Variants in TMC2 observed in about 807,000 individuals in gnomAD.
TMC2 encodes the protein transmembrane channel like 2, also known as transmembrane channel-like protein 2.
In TMC2, 102 loss-of-function variants were observed where a neutral mutation model predicts 105.9. That is an observed-to-expected ratio of 0.96 (90% CI 0.82 to 1.14). The LOEUF is 1.14. Ranked by LOEUF, TMC2 falls within the 50% of genes most tolerant of loss-of-function variation. The pLI, the probability that TMC2 is intolerant of heterozygous loss-of-function variation, is 0.00. For synonymous variants in TMC2, 402 were observed against 422.8 expected, an observed-to-expected ratio of 0.95 and a Z score of 0.60; for missense variants, 1,093 against 1,134.3, an observed-to-expected ratio of 0.96 and a Z score of 0.52.
intron 16 of TMC2, among the ~76,000 whole-genome samples, chr20:2,619,120 T>A (rs777774214): frequency 6.6e-6 from 1 of 152,106 alleles, no homozygotes; most frequent in Non-Finnish European, 1.5e-5. Context: ...AGCCCCTAAA[T>A]GCCCAAAGAG....
chr20:2,607,304 C>T (rs2086401188), intron 11 of TMC2, among the ~76,000 whole-genome samples: 1 of 152,124 alleles, frequency 6.6e-6, no homozygotes. Context: ...TGCCTCTCAT[C>T]CCTTTTCTAC....
At chr20:2,630,100 A>C (rs1330083959) in intron 17 of TMC2, among the ~76,000 whole-genome samples, 1 of 152,232 alleles carries the variant, frequency 6.6e-6, no homozygotes. Context: ...AATGACAAAT[A>C]ATAAGTCCAA....
chr20:2,561,940 G>A lies in TMC2; in HGVS notation c.484G>A (p.Glu162Lys). The A allele has an allele frequency of 1.9e-6, 3 of 1,614,182 alleles. No homozygotes were observed. Among genetic ancestry groups the A allele is most frequent in the Non-Finnish European group, 2.5e-6 (3 of 1,180,010 alleles). The change falls in exon 4 of 20, where the codon GAA becomes AAA. Residue 162 changes from glutamate to lysine, a missense_variant. Coordinates refer to ENST00000358864, the MANE Select transcript of TMC2 (RefSeq NM_080751.3). Reference sequence around the variant, plus strand: ...GGCCCAGATCCTGGAGCAGGTGGAAGAAAAAAAGAAGCTCATTGCCACCAT... The same window carrying A: ...GGCCCAGATCCTGGAGCAGGTGGAAAAAAAAAAGAAGCTCATTGCCACCAT... ...ELAQILEQVE[E>K]KKKLIATMRS...
intron 2 of TMC2, among the ~76,000 whole-genome samples, chr20:2,539,293 T>C (rs1025539670): frequency 1.3e-5 from 2 of 152,020 alleles, no homozygotes; most frequent in East Asian, 1.9e-4. Flanking sequence ...GTTGAAGAGG[T>C]CTGGGGAAGA....
At position 2,550,605 on chromosome 20, in the gene TMC2, C is replaced by T. The variant is rs141768193; in HGVS notation, c.83-7851C>T. Reference sequence around the variant, plus strand: ...TCACAGTATGACACAGAATAATATGCCCCCAAATGTCCTGTGGCCCACCTA... The same window carrying T: ...TCACAGTATGACACAGAATAATATGTCCCCAAATGTCCTGTGGCCCACCTA... On this transcript the variant is annotated intron_variant, in intron 2 of 19. Transcript: ENST00000358864. Among the ~76,000 whole-genome samples the T allele has an allele frequency of 3.0e-3, 453 of 152,144 alleles. 1 individual carries two copies. The highest frequency in any genetic ancestry group is 0.01 in the African/African-American group (424 of 41,508).
chr20:2,636,333 T>C (rs2086642585), intron 18 of TMC2, among the ~76,000 whole-genome samples: 1 of 152,146 alleles, frequency 6.6e-6, no homozygotes. Flanking sequence ...ATTTAAATAC[T>C]AAAAGAAATG....
intron 7 of TMC2, among the ~76,000 whole-genome samples, chr20:2,582,430 T>C (rs1466520759): frequency 6.6e-6 from 1 of 152,096 alleles, no homozygotes; most frequent in Non-Finnish European, 1.5e-5. Flanking sequence ...GGTCCAGGGA[T>C]AAGAATAGTA....
chr20:2,613,328 T>A lies in TMC2; in HGVS notation c.1872+6T>A. ...GGGACTTGGAGGCTGGATTTGTAGG[T>A]CACCACTTCATGGACATTCCGCACA... On this transcript the variant is annotated splice_donor_region_variant and intron_variant, in intron 14 of 19. Transcript: ENST00000358864. 6.2e-7 allele frequency: 1 copy of A among 1,614,084 alleles called. No individual in the cohort carries two copies. The highest frequency in any genetic ancestry group is 8.5e-7 in the Non-Finnish European group (1 of 1,179,980).
chr20:2,538,705 C>T (rs1334638559), intron 2 of TMC2, among the ~76,000 whole-genome samples: 1 of 152,204 alleles, frequency 6.6e-6, no homozygotes, highest in Non-Finnish European at 1.5e-5. Context: ...TTCCACGTTG[C>T]CGCTGCCGTT....
At chr20:2,606,562 A>G (rs1897701362) in intron 11 of TMC2, among the ~76,000 whole-genome samples, 2 of 152,130 alleles carry the variant, frequency 1.3e-5, no homozygotes, top group African/African-American at 4.8e-5. Context: ...ACCAGACCCA[A>G]AAGTTTTTAA....
rs1162870558 is a variant in TMC2 at position 2,610,600 on chromosome 20, T to TA, written c.1593+7dup. On this transcript the variant is annotated splice_region_variant and intron_variant, in intron 12 of 19. Transcript: ENST00000358864. ...CTGATGGATGACGTCCACCTCAAGG[T>TA]AAAAACCACAACACCCCCCACCCCA... 1.9e-6 allele frequency: 3 copies of TA among 1,575,770 alleles called. 1 individual carries two copies. In the Admixed American group the frequency reaches 5.3e-5, roughly 28 times the overall value.
chr20:2,565,017 G>A (rs766017322), intron 4 of TMC2, among the ~76,000 whole-genome samples: 2 of 152,136 alleles, frequency 1.3e-5, no homozygotes, highest in Non-Finnish European at 2.9e-5. Flanking sequence ...GTAAGACTCG[G>A]GCCAAGTGCC....
At chr20:2,623,784 GTCCTAGGTGA>G (rs1036400748) in intron 16 of TMC2, among the ~76,000 whole-genome samples, 1 of 152,196 alleles carries the variant, frequency 6.6e-6, no homozygotes, top group African/African-American at 2.4e-5. Context: ...CCAGGAGCCT[GTCCTAGGTGA>G]TCCAATATCT....
intron 17 of TMC2, among the ~76,000 whole-genome samples, chr20:2,629,722 C>A (rs887776033): frequency 6.6e-6 from 1 of 152,162 alleles, no homozygotes; most frequent in African/African-American, 2.4e-5. Context: ...TAGTCAGGTG[C>A]CTTTTATGCA....
At chr20:2,599,752 G>C (rs1389087742) in intron 10 of TMC2, among the ~76,000 whole-genome samples, 1 of 151,836 alleles carries the variant, frequency 6.6e-6, no homozygotes, top group Non-Finnish European at 1.5e-5. Context: ...CCCATTCCAA[G>C]TTCTTTATGG....
chr20:2,538,655 A>G (rs1482431233), intron 2 of TMC2, among the ~76,000 whole-genome samples: 1 of 152,120 alleles, frequency 6.6e-6, no homozygotes, highest in African/African-American at 2.4e-5. Flanking sequence ...GAAATGGAAG[A>G]CCATTTTGCC....
intron 12 of TMC2, 94 bp from the exon 13 acceptor site, chr20:2,612,096 AG>A (rs2086444399): frequency 8.0e-7 from 1 of 1,257,348 alleles, no homozygotes; most frequent in East Asian, 2.4e-5. Flanking sequence ...GCTAGATGGT[AG>A]GGTTGTGGCA....
chr20:2,627,297 T>C (rs957468515), intron 17 of TMC2, among the ~76,000 whole-genome samples: 1 of 152,240 alleles, frequency 6.6e-6, no homozygotes, highest in Non-Finnish European at 1.5e-5. Context: ...TTATTCTTTT[T>C]CTCCAGTAGT....
chr20:2,555,095 T>A (rs1275685159), intron 2 of TMC2, among the ~76,000 whole-genome samples: 1 of 152,206 alleles, frequency 6.6e-6, no homozygotes, highest in African/African-American at 2.4e-5. Context: ...TTGTTTTGTT[T>A]TTTGAGATGG....
Sources: gnomAD v4.1 joint callset for allele counts (sites outside exome capture counted in the v4.1 genomes callset) on GRCh38, gnomAD v4.1.1 for gene constraint, MANE v1.5 for transcripts, NCBI Gene and HGNC (gene_info 2026-07-23, HGNC 2026-07-21) for gene names.